The following PTPN4 variants were observed in gnomAD, a reference collection of about 807,000 sequenced individuals.
PTPN4 encodes tyrosine-protein phosphatase non-receptor type 4.
In PTPN4, 49 loss-of-function variants were observed where a neutral mutation model predicts 135.5. The ratio of observed to expected loss-of-function variants is 0.36; its 90% CI spans 0.29 to 0.46. PTPN4 has a LOEUF of 0.46. Ranked by LOEUF, PTPN4 falls within the 20% of genes least tolerant of loss-of-function variation. The probability of loss-of-function intolerance (pLI) is 1.00; values close to 1 mark genes in which losing one functional copy is unlikely to be tolerated. For synonymous variants in PTPN4, 333 were observed against 369.9 expected, an observed-to-expected ratio of 0.90 and a Z score of 1.14; for missense variants, 860 against 1,101.0, an observed-to-expected ratio of 0.78 and a Z score of 3.10.
At chr2:119,846,402 T>C (rs578176233) in intron 2 of PTPN4, among the ~76,000 whole-genome samples, 13 of 152,366 alleles carry the variant, frequency 8.5e-5, no homozygotes, top group Non-Finnish European at 1.8e-4. Flanking sequence ...TCTTTGACTC[T>C]AGTAACATTT....
intron 26 of PTPN4, among the ~76,000 whole-genome samples, chr2:119,974,470 A>G (rs1338362106): frequency 1.3e-5 from 2 of 152,040 alleles, no homozygotes; most frequent in African/African-American, 4.8e-5. Flanking sequence ...CGACCTCCCA[A>G]AGTGCTGGGA....
At chr2:119,936,157 C>T (rs982504148) in intron 15 of PTPN4, among the ~76,000 whole-genome samples, 1 of 152,122 alleles carries the variant, frequency 6.6e-6, no homozygotes, top group African/African-American at 2.4e-5. Flanking sequence ...CGCCAGCCAC[C>T]ACTCCCGGCT....
rs1176774459 is a variant in PTPN4 at position 119,967,828 on chromosome 2, C to G, written c.2559-9C>G. The G allele has an allele frequency of 1.3e-6, 2 of 1,584,426 alleles. No individual in the cohort carries two copies. The highest frequency in any genetic ancestry group is 8.6e-7 in the Non-Finnish European group (1 of 1,162,738). ...TCGGTAAGATCTTGCCTATATTTGT[C>G]TTTTTTAGTGCTGGAATCGGAAGAA... On this transcript the variant is annotated splice_polypyrimidine_tract_variant and intron_variant, in intron 25 of 26. Coordinates refer to ENST00000263708, the MANE Select transcript of PTPN4 (RefSeq NM_002830.4).
intron 2 of PTPN4, among the ~76,000 whole-genome samples, chr2:119,817,740 A>G (rs759926777): frequency 1.3e-5 from 2 of 152,310 alleles, no homozygotes; most frequent in Admixed American, 1.3e-4. Context: ...CATTGAATCT[A>G]TAAATTGCTC....
intron 23 of PTPN4, among the ~76,000 whole-genome samples, chr2:119,961,590 A>G (rs1679367323): frequency 6.6e-6 from 1 of 152,244 alleles, no homozygotes; most frequent in Non-Finnish European, 1.5e-5. Flanking sequence ...CTGTCCACAC[A>G]AAAATTTGTA....
intron 1 of PTPN4, among the ~76,000 whole-genome samples, chr2:119,794,954 C>G (rs1423747042): frequency 3.3e-5 from 5 of 152,154 alleles, no homozygotes; most frequent in Non-Finnish European, 7.4e-5. Flanking sequence ...GATGAGTGTT[C>G]AGCTCTCAGC....
intron 26 of PTPN4, among the ~76,000 whole-genome samples, chr2:119,976,293 G>A (rs139420056): frequency 0.024 from 3,720 of 152,012 alleles, 71 homozygotes; most frequent in African/African-American, 0.064. Context: ...CACCGCACCC[G>A]GCCAAGAAAC....
chr2:119,906,213 G>GA (rs1428586525), intron 10 of PTPN4, among the ~76,000 whole-genome samples: 1 of 151,920 alleles, frequency 6.6e-6, no homozygotes, highest in African/African-American at 2.4e-5. Flanking sequence ...AACAAAAAAA[G>GA]AAAAAATTAT....
intron 25 of PTPN4, among the ~76,000 whole-genome samples, chr2:119,966,458 A>G (rs1362175607): frequency 6.6e-6 from 1 of 152,132 alleles, no homozygotes; most frequent in Admixed American, 6.5e-5. Context: ...GGTTTTTGCC[A>G]CGTTGCCCAG....
chr2:119,838,928 A>G (rs1388750016), intron 2 of PTPN4, among the ~76,000 whole-genome samples: 1 of 152,176 alleles, frequency 6.6e-6, no homozygotes, highest in Non-Finnish European at 1.5e-5. Flanking sequence ...GCCACAGTTT[A>G]CCAATTACAT....
At chr2:119,869,085 A>C (rs1677872735) in intron 3 of PTPN4, among the ~76,000 whole-genome samples, 1 of 152,216 alleles carries the variant, frequency 6.6e-6, no homozygotes, top group Non-Finnish European at 1.5e-5. Context: ...AATGTGAATT[A>C]ACTTTAATGT....
chr2:119,955,734 A>G (rs900709621), intron 20 of PTPN4, among the ~76,000 whole-genome samples: 2 of 151,970 alleles, frequency 1.3e-5, no homozygotes, highest in Non-Finnish European at 2.9e-5. Context: ...TCAGGAGATC[A>G]AGACAATCCT....
At chr2:119,953,573 A>G (rs1679238578) in intron 19 of PTPN4, among the ~76,000 whole-genome samples, 1 of 152,136 alleles carries the variant, frequency 6.6e-6, no homozygotes, top group African/African-American at 2.4e-5. Context: ...TGTCACATAC[A>G]GCTACTTAAA....
chr2:119,828,964 ATGACTGTAC>A (rs1677183096), intron 2 of PTPN4, among the ~76,000 whole-genome samples: 1 of 152,242 alleles, frequency 6.6e-6, no homozygotes, highest in South Asian at 2.1e-4. Flanking sequence ...AATGAGGCAC[ATGACTGTAC>A]TGAAAGCTTT....
At chr2:119,854,894 A>G (rs1392806470) in intron 2 of PTPN4, among the ~76,000 whole-genome samples, 1 of 152,172 alleles carries the variant, frequency 6.6e-6, no homozygotes, top group Admixed American at 6.5e-5. Context: ...GTGTTAATCC[A>G]GAAACAGCGT....
chr2:119,950,969 GA>G (rs796924053), intron 18 of PTPN4, among the ~76,000 whole-genome samples: 1 of 151,992 alleles, frequency 6.6e-6, no homozygotes, highest in African/African-American at 2.4e-5. Flanking sequence ...AAAAGGAAAT[GA>G]AAAAAATAGT....
intron 10 of PTPN4, among the ~76,000 whole-genome samples, chr2:119,902,654 C>T (rs914065823): frequency 6.6e-6 from 1 of 152,162 alleles, no homozygotes; most frequent in Non-Finnish European, 1.5e-5. Flanking sequence ...CTCTGAGACA[C>T]AGAAGGAGAG....
At chr2:119,778,503 C>A (rs368741137) in intron 1 of PTPN4, among the ~76,000 whole-genome samples, 1 of 152,090 alleles carries the variant, frequency 6.6e-6, no homozygotes, top group Non-Finnish European at 1.5e-5. Context: ...CACATACTTA[C>A]GTGAATAAAC....
chr2:119,941,544 G>C (rs561256845), intron 15 of PTPN4, among the ~76,000 whole-genome samples: 3 of 152,100 alleles, frequency 2.0e-5, no homozygotes, highest in African/African-American at 7.2e-5. Context: ...TAAATTATAA[G>C]AGCTCCCTAG....
Sources: gnomAD v4.1 joint callset for allele counts (sites outside exome capture counted in the v4.1 genomes callset) on GRCh38, gnomAD v4.1.1 for gene constraint, MANE v1.5 for transcripts, NCBI Gene and HGNC (gene_info 2026-07-23, HGNC 2026-07-21) for gene names.